The following ADCK1 variants were observed in gnomAD, a reference collection of about 807,000 sequenced individuals.
ADCK1 encodes aarF domain-containing protein kinase 1.
A neutral mutation model predicts 52.3 loss-of-function variants in ADCK1; 41 were observed. That is an observed-to-expected ratio of 0.78 (90% confidence interval 0.61 to 1.02). The LOEUF (loss-of-function observed/expected upper bound fraction) is 1.02, where lower values mean the gene tolerates loss of function less well. Ranked by LOEUF, ADCK1 falls within the 50% of genes least tolerant of loss-of-function variation. The probability of loss-of-function intolerance (pLI) is 0.00; values close to 1 mark genes in which losing one functional copy is unlikely to be tolerated. For missense variants in ADCK1, 658 were observed against 679.5 expected, an observed-to-expected ratio of 0.97 and a Z score of 0.35; for synonymous variants, 250 against 274.6, an observed-to-expected ratio of 0.91 and a Z score of 0.89.
At chr14:77,819,265 T>TCC in intron 2 of ADCK1, 152 bp downstream of exon 2, 13 of 1,055,712 alleles carry the variant, frequency 1.2e-5, no homozygotes, top group South Asian at 1.6e-5. Context: ...GGTGTACACA[T>TCC]ATGGATGTGT....
At chr14:77,897,109 G>A (rs944449389) in intron 5 of ADCK1, among the ~76,000 whole-genome samples, 2 of 152,086 alleles carry the variant, frequency 1.3e-5, no homozygotes, top group Admixed American at 6.5e-5. Flanking sequence ...GGAAGGGGAA[G>A]GTCTTTTGGT....
intron 1 of ADCK1, among the ~76,000 whole-genome samples, chr14:77,817,814 C>CA (rs939346780): frequency 6.6e-6 from 1 of 151,822 alleles, no homozygotes; most frequent in African/African-American, 2.4e-5. Flanking sequence ...CGGCTTACTG[C>CA]AAGCTCCGCC....
chr14:77,870,096 G>A (rs2082743661), intron 4 of ADCK1, among the ~76,000 whole-genome samples: 1 of 152,240 alleles, frequency 6.6e-6, no homozygotes, highest in Admixed American at 6.5e-5. Flanking sequence ...TGTTTATTTG[G>A]TACTTGTTAT....
chr14:77,899,020 G>A, intron 5 of ADCK1, 80 bp from the exon 6 acceptor site: 1 of 1,577,238 alleles, frequency 6.3e-7, no homozygotes, highest in South Asian at 1.2e-5. Flanking sequence ...TTACTCTAGG[G>A]GAGAACCAGG....
intron 3 of ADCK1, among the ~76,000 whole-genome samples, chr14:77,823,638 T>C (rs1324606900): frequency 6.6e-6 from 1 of 151,776 alleles, no homozygotes; most frequent in African/African-American, 2.4e-5. Flanking sequence ...AGTGGTGTGA[T>C]CTCGGCTCAT....
At chr14:77,843,981 A>T (rs1051688540) in intron 3 of ADCK1, among the ~76,000 whole-genome samples, 1 of 152,220 alleles carries the variant, frequency 6.6e-6, no homozygotes, top group Non-Finnish European at 1.5e-5. Flanking sequence ...ATTTCATAGA[A>T]ATCTGCTCTA....
chr14:77,925,810 C>G lies in ADCK1; in HGVS notation c.1055C>G (p.Ser352Cys). 1.2e-6 allele frequency: 2 copies of G among 1,614,228 alleles called. No homozygotes were observed. Among genetic ancestry groups the G allele is most frequent in the Non-Finnish European group, 1.7e-6 (2 of 1,180,030 alleles). The change falls in exon 9 of 11, where the codon TCT becomes TGT. Residue 352 changes from serine (S) to cysteine (C), a missense_variant. Coordinates refer to ENST00000238561, the MANE Select transcript of ADCK1 (RefSeq NM_020421.4). ...CTGAATTACTGCCACCTCTGGCAGT[C>G]TCTGATCTGGACTGACATGAAGAGA... Reference protein sequence around the residue: ...FRLNYCHLWQSLIWTDMKRVK... With the variant: ...FRLNYCHLWQCLIWTDMKRVK...
At chr14:77,832,766 T>C (rs533928554) in intron 3 of ADCK1, among the ~76,000 whole-genome samples, 1 of 152,280 alleles carries the variant, frequency 6.6e-6, no homozygotes, top group South Asian at 2.1e-4. Flanking sequence ...CAACTGCCAG[T>C]TTTGAGGATA....
intron 5 of ADCK1, among the ~76,000 whole-genome samples, chr14:77,890,029 T>C (rs1379570274): frequency 1.3e-5 from 2 of 152,130 alleles, no homozygotes; most frequent in Non-Finnish European, 2.9e-5. Flanking sequence ...AAAACCAGGA[T>C]TGAGCAATGC....
intron 3 of ADCK1, among the ~76,000 whole-genome samples, chr14:77,855,990 AC>A (rs896182738): frequency 1.3e-5 from 2 of 152,168 alleles, no homozygotes; most frequent in Non-Finnish European, 2.9e-5. Flanking sequence ...TGGGTGGATC[AC>A]TTGAGCTCAG....
chr14:77,830,220 C>G (rs1325361651), intron 3 of ADCK1, among the ~76,000 whole-genome samples: 2 of 151,232 alleles, frequency 1.3e-5, no homozygotes, highest in Non-Finnish European at 3.0e-5. Context: ...TCACGGCAAC[C>G]TCCGTTCACT....
chr14:77,836,681 C>A (rs1047081311), intron 3 of ADCK1, among the ~76,000 whole-genome samples: 1 of 152,034 alleles, frequency 6.6e-6, no homozygotes, highest in African/African-American at 2.4e-5. Flanking sequence ...CCTTCCTTGC[C>A]TTTTCTGGTG....
chr14:77,908,133 T>A, intron 7 of ADCK1: 1 of 445,126 alleles, frequency 2.2e-6, no homozygotes, highest in Non-Finnish European at 4.1e-6. Context: ...AGGGACATGC[T>A]GAACCCCTTC....
chr14:77,891,390 C>T (rs2083281013), intron 5 of ADCK1, among the ~76,000 whole-genome samples: 1 of 152,210 alleles, frequency 6.6e-6, no homozygotes, highest in African/African-American at 2.4e-5. Context: ...TCCCAGAAGC[C>T]ACTCCTGAGT....
intron 7 of ADCK1, among the ~76,000 whole-genome samples, chr14:77,918,616 G>T (rs2083981268): frequency 1.3e-5 from 2 of 152,124 alleles, no homozygotes; most frequent in South Asian, 4.1e-4. Flanking sequence ...GTAGGAGGGG[G>T]CTGGCTTCCC....
chr14:77,804,440 C>T (rs28643564), intron 1 of ADCK1, among the ~76,000 whole-genome samples: 4,438 of 152,232 alleles, frequency 0.029, 205 homozygotes, highest in African/African-American at 0.099. Flanking sequence ...TCTCTTTTAT[C>T]ACTGAGGACA....
At chr14:77,883,005 C>T (rs1178353504) in intron 4 of ADCK1, among the ~76,000 whole-genome samples, 1 of 134,074 alleles carries the variant, frequency 7.5e-6, no homozygotes, top group African/African-American at 2.8e-5. Context: ...CACTTCCCCC[C>T]TTCGCACATG....
intron 3 of ADCK1, among the ~76,000 whole-genome samples, chr14:77,857,007 A>G (rs188523984): frequency 3.3e-5 from 5 of 151,872 alleles, no homozygotes; most frequent in Admixed American, 3.3e-4. Flanking sequence ...AAGTCTAGCA[A>G]AGCTTGAAGT....
At chr14:77,873,107 C>T (rs929620344) in intron 4 of ADCK1, among the ~76,000 whole-genome samples, 1 of 152,186 alleles carries the variant, frequency 6.6e-6, no homozygotes, top group Admixed American at 6.5e-5. Context: ...GAGCAGTGTA[C>T]ACTGTAACCA....
Sources: gnomAD v4.1 joint callset for allele counts (sites outside exome capture counted in the v4.1 genomes callset) on GRCh38, gnomAD v4.1.1 for gene constraint, MANE v1.5 for transcripts, NCBI Gene and HGNC (gene_info 2026-07-23, HGNC 2026-07-21) for gene names.